FAM151A: variants seen among roughly 807,000 people sequenced by gnomAD.
FAM151A encodes protein FAM151A.
FAM151A carries 41 observed loss-of-function variants against 40.4 expected under a neutral mutation model. The observed-to-expected ratio is 1.01, with a 90% CI of 0.79 to 1.32. The LOEUF is 1.32. FAM151A is among the 40% of genes most tolerant of loss of function. The probability of loss-of-function intolerance (pLI) is 0.00; values close to 1 mark genes in which losing one functional copy is unlikely to be tolerated. For missense variants in FAM151A, 740 were observed against 740.4 expected (o/e 1.00, Z 0.01); for synonymous variants, 337 against 312.5 (o/e 1.08, Z -0.83).
intron 2 of FAM151A, among the ~76,000 whole-genome samples, chr1:54,618,397 G>A (rs955100013): frequency 9.9e-5 from 15 of 152,200 alleles, no homozygotes; most frequent in African/African-American, 2.9e-4. Flanking sequence ...CCAGCTACTC[G>A]GGAGGCTAAG....
chr1:54,612,653 G>C lies in FAM151A; in HGVS notation c.633C>G (p.Thr211=). 6.2e-7 allele frequency: 1 copy of C among 1,614,060 alleles called. No homozygotes were observed. The highest frequency in any genetic ancestry group is 8.5e-7 in the Non-Finnish European group (1 of 1,180,034). ...YPKATLSPGW[T]TFYMSTSPNR... ...TTGGGGACGTGGACATGTAGAAGGT[G>C]GTCCAGCCTGGAGATAGGGTAGCCT... Residue 211 remains threonine (T), a synonymous_variant, in exon 5 of 8, where the codon ACC becomes ACG. Coordinates refer to ENST00000302250, the MANE Select transcript of FAM151A (RefSeq NM_176782.3).
In FAM151A at chr1:54,623,324, C is replaced by T. The variant is rs1644249626; in HGVS notation, c.72G>A (p.Val24=). ...CAAGGACTATTGCGGCAATGACCAC[C>T]ACAGACACACAGGTAATGCCGGCAA... is the stretch of plus-strand genomic sequence containing the variant. ...WVFAGITCVS[V]VVIAAIVLAI... The change falls in exon 1 of 8, where the codon GTG becomes GTA. Residue 24 remains valine (V), a synonymous_variant. Coordinates refer to ENST00000302250, the MANE Select transcript of FAM151A (RefSeq NM_176782.3). 1 of 1,614,026 alleles carries T rather than the reference C, an allele frequency of 6.2e-7. No individual in the cohort carries two copies. The highest frequency in any genetic ancestry group is 1.3e-5 in the African/African-American group (1 of 74,920).
chr1:54,619,864 T>C lies in FAM151A; in HGVS notation c.262A>G (p.Ser88Gly), dbSNP rs200790200. The change falls in exon 2 of 8, where the codon AGC becomes GGC. Residue 88 changes from serine (S) to glycine (G), a missense_variant and splice_region_variant. Coordinates refer to ENST00000302250, the MANE Select transcript of FAM151A (RefSeq NM_176782.3). ...CCTCAGTCTTGGCAGCTGGACTTAC[T>C]GTTCAGGGCAGCTGTCATGGCTTTC... ...SKKAMTAALN[S>G]NITVLEADVN... The C allele has an allele frequency of 2.4e-4, 394 of 1,613,860 alleles. 3 individuals carry two copies. In the South Asian group the frequency reaches 3.3e-3, roughly 13 times the overall value.
In FAM151A at chr1:54,614,774, C is replaced by T; in HGVS notation, c.501G>A (p.Arg167=). Residue 167 remains arginine, a synonymous_variant, in exon 4 of 8, where the codon CGG becomes CGA. Transcript: ENST00000302250. ...TGTCAGCGTTGATCCATATGGGCCGCCGGACTTTGCCTTCCTCTGTCAGCT... is the reference window on the plus strand; with the variant it reads ...TGTCAGCGTTGATCCATATGGGCCGTCGGACTTTGCCTTCCTCTGTCAGCT... ...LRQLTEEGKV[R]RPIWINADIL... 1 of 1,614,126 alleles carries T rather than the reference C, an allele frequency of 6.2e-7. No homozygotes were observed. The highest frequency in any genetic ancestry group is 1.1e-5 in the South Asian group (1 of 91,076).
At chr1:54,622,920 A>T (rs1224436855) in intron 1 of FAM151A, among the ~76,000 whole-genome samples, 1 of 151,978 alleles carries the variant, frequency 6.6e-6, no homozygotes, top group Non-Finnish European at 1.5e-5. Context: ...CACACCTGTA[A>T]TCCCAGCACT....
At chr1:54,618,284 A>G (rs895407767) in intron 2 of FAM151A, among the ~76,000 whole-genome samples, 2 of 152,134 alleles carry the variant, frequency 1.3e-5, no homozygotes, top group Non-Finnish European at 1.5e-5. Context: ...AGGGCGGATC[A>G]CTTGAGTTTA....
In FAM151A at chr1:54,622,709, A is replaced by C. The variant is rs551626524; in HGVS notation, c.118+569T>G. Among the ~76,000 whole-genome samples the C allele has an allele frequency of 3.9e-4, 60 of 152,238 alleles. 1 individual carries two copies. Among genetic ancestry groups the C allele is most frequent in the Non-Finnish European group, 3.1e-4 (21 of 68,012 alleles). On this transcript the variant is annotated intron_variant, in intron 1 of 7. Coordinates refer to ENST00000302250, the MANE Select transcript of FAM151A (RefSeq NM_176782.3). ...AGTTGAGATTGCACCATTGCACTCC[A>C]GCCTGGGGGACAAGAGTGAAAACTC...
At chr1:54,610,647 G>A in intron 6 of FAM151A, 92 bp from the exon 7 acceptor site, 3 of 1,529,840 alleles carry the variant, frequency 2.0e-6, no homozygotes, top group Non-Finnish European at 2.6e-6. Flanking sequence ...AGCTCTACGG[G>A]CATCCTCTCT....
chr1:54,610,039 C>G (rs1210006509), intron 7 of FAM151A, 98 bp from the exon 8 acceptor site: 4 of 1,460,300 alleles, frequency 2.7e-6, no homozygotes, highest in African/African-American at 1.4e-5. Context: ...ATGGGGTCAT[C>G]AAGGACCTTG....
chr1:54,614,149 G>A (rs963671220), intron 4 of FAM151A, among the ~76,000 whole-genome samples: 1 of 152,216 alleles, frequency 6.6e-6, no homozygotes, highest in Non-Finnish European at 1.5e-5. Flanking sequence ...GCTATGTAAG[G>A]ATGAGATCAA....
At position 54,609,332 on chromosome 1, in the gene FAM151A, C is replaced by T. The variant is rs200747808; in HGVS notation, c.1694G>A (p.Arg565Gln). The T allele has an allele frequency of 3.5e-4, 570 of 1,613,774 alleles. 1 individual carries two copies. The highest frequency in any genetic ancestry group is 4.2e-4 in the Non-Finnish European group (491 of 1,179,726). Residue 565 changes from arginine to glutamine, a missense_variant, in exon 8 of 8, where the codon CGA becomes CAA. Transcript: ENST00000302250. ...LLAARAVDRT[R>Q]VYYRLPQGYH... ...GCCCTGGGGTAGCCTGTAGTAGACT[C>T]GGGTCCTGTCCACAGCCCTAGCTGC...
chr1:54,610,637 AGCT>A, intron 6 of FAM151A, 82 bp from the exon 7 acceptor site: 1 of 1,549,720 alleles, frequency 6.5e-7, no homozygotes, highest in Non-Finnish European at 8.7e-7. Context: ...CATAGGCCAC[AGCT>A]CTACGGGCAT....
intron 1 of FAM151A, 42 bp downstream of exon 1, chr1:54,623,236 A>G (rs1644248340): frequency 1.5e-6 from 2 of 1,365,012 alleles, no homozygotes; most frequent in East Asian, 4.6e-5. Context: ...GGAGCGAGCG[A>G]TGAGGGAAGC....
chr1:54,614,165 TTCTC>T (rs1329748417), intron 4 of FAM151A, among the ~76,000 whole-genome samples: 3 of 152,180 alleles, frequency 2.0e-5, no homozygotes, highest in Non-Finnish European at 4.4e-5. Flanking sequence ...ATCAAAGACA[TTCTC>T]TCTCTTTGTA....
chr1:54,623,374 A>G lies in FAM151A; in HGVS notation c.22T>C (p.Ser8Pro), dbSNP rs1255959891. 6 of 1,613,896 alleles carry G rather than the reference A, an allele frequency of 3.7e-6. No individual in the cohort carries two copies. The Admixed American group carries it at 8.3e-5, about 22-fold the overall frequency. The stretch of plus-strand genomic sequence containing the variant: ...AACACCCACTTGACCTGATTCTTTG[A>G]TAACTGCTCCCTGCAGACCATGGCG... MVCREQL[S>P]KNQVKWVFAG... Residue 8 changes from serine (S) to proline (P), a missense_variant, in exon 1 of 8, where the codon TCA becomes CCA. By Grantham distance (74) the Ser-to-Pro change is moderately conservative. Transcript: ENST00000302250.
intron 2 of FAM151A, among the ~76,000 whole-genome samples, chr1:54,618,948 G>C (rs1360681491): frequency 6.6e-6 from 1 of 152,188 alleles, no homozygotes; most frequent in East Asian, 1.9e-4. Flanking sequence ...TGCTTAACTA[G>C]TGTAAGGGGC....
At chr1:54,613,209 G>A (rs1219687723) in intron 4 of FAM151A, among the ~76,000 whole-genome samples, 4 of 151,936 alleles carry the variant, frequency 2.6e-5, no homozygotes, top group Admixed American at 2.6e-4. Context: ...GAGAAACCCT[G>A]TCTCTACTAA....
Position 54,610,202 on chromosome 1 carries a change from G to A in FAM151A, c.1084+210C>T, listed in dbSNP as rs1410189701. On this transcript the variant is annotated intron_variant, in intron 7 of 7. Transcript: ENST00000302250. The stretch of plus-strand genomic sequence containing the variant: ...TGCCGGCCTTGCCTGCAGCAATGTA[G>A]CTGAGGACTGGTCTGAAGGCCAGGA... The A allele has an allele frequency of 2.1e-6, 3 of 1,434,828 alleles. No individual in the cohort carries two copies. In the African/African-American group the frequency reaches 4.3e-5, roughly 21 times the overall value. 88.9% of individuals were successfully genotyped at this position (1,434,828 alleles called of 1,614,324 possible). A position where few individuals can be genotyped will look rare whatever the true frequency, so the allele number is the denominator to read the frequency against.
In FAM151A at chr1:54,609,944, G is replaced by T; in HGVS notation, c.1085-3C>A. On this transcript the variant is annotated splice_polypyrimidine_tract_variant and splice_region_variant and intron_variant, in intron 7 of 7. Transcript: ENST00000302250. ...CAGCAGGATCATGCCTTCTGTGTCT[G>T]GAAGAGGCGGCAGAGGCAACAGTGT... The T allele has an allele frequency of 6.2e-7, 1 of 1,600,294 alleles. No homozygotes were observed. The highest frequency in any genetic ancestry group is 8.5e-7 in the Non-Finnish European group (1 of 1,176,946).
Sources: allele counts gnomAD v4.1 joint callset (sites outside exome capture counted in the v4.1 genomes callset), GRCh38; gene constraint gnomAD v4.1.1; transcripts MANE v1.5; gene names NCBI Gene and HGNC (gene_info 2026-07-23, HGNC 2026-07-21).